NLGN1: variants seen among roughly 807,000 people sequenced by gnomAD.
The protein encoded by NLGN1 is neuroligin 1, also known as neuroligin-1.
NLGN1 carries 12 observed loss-of-function variants against 65.5 expected under a neutral mutation model. That is an observed-to-expected ratio of 0.18 (90% CI 0.12 to 0.30). The LOEUF is 0.30. NLGN1 is among the 10% of genes least tolerant of loss of function. The probability of loss-of-function intolerance (pLI) is 1.00; values close to 1 mark genes in which losing one functional copy is unlikely to be tolerated. For missense variants in NLGN1, 750 were observed against 1,007.1 expected (o/e 0.74, Z 3.46); for synonymous variants, 350 against 359.5 (o/e 0.97, Z 0.30).
At chr3:173,457,365 A>G (rs570191732) in intron 2 of NLGN1, among the ~76,000 whole-genome samples, 1 of 152,222 alleles carries the variant, frequency 6.6e-6, no homozygotes, top group East Asian at 1.9e-4. Flanking sequence ...ACATAAGTGT[A>G]GGGGGTGATA....
intron 4 of NLGN1, among the ~76,000 whole-genome samples, chr3:173,903,711 T>C (rs757287577): frequency 6.6e-6 from 1 of 152,140 alleles, no homozygotes; most frequent in South Asian, 2.1e-4. Flanking sequence ...CAAGGAGCTA[T>C]GGAGGGCCTC....
At chr3:173,466,411 G>T (rs1181771585) in intron 2 of NLGN1, among the ~76,000 whole-genome samples, 2 of 152,132 alleles carry the variant, frequency 1.3e-5, no homozygotes, top group African/African-American at 4.8e-5. Flanking sequence ...GTTCCTAGTT[G>T]TAAATATTCC....
At chr3:174,285,537 A>G (rs780158442) in exon 7 of NLGN1, 1 of 151,552 alleles carries the variant, frequency 6.6e-6, no homozygotes, top group East Asian at 1.9e-4. Context: ...CCTCTCCTGC[A>G]CTTGATCTGA....
chr3:174,196,480 C>T (rs1241801296), intron 4 of NLGN1, among the ~76,000 whole-genome samples: 1 of 152,134 alleles, frequency 6.6e-6, no homozygotes, highest in African/African-American at 2.4e-5. Flanking sequence ...CTTGTATACA[C>T]TCTGCACGTA....
At chr3:173,506,360 A>T (rs891790680) in intron 2 of NLGN1, among the ~76,000 whole-genome samples, 23 of 152,158 alleles carry the variant, frequency 1.5e-4, no homozygotes, top group Admixed American at 1.4e-3. Context: ...TGATTTTACC[A>T]TTATATTATT....
intron 4 of NLGN1, among the ~76,000 whole-genome samples, chr3:173,825,457 T>G (rs1721154845): frequency 6.6e-6 from 1 of 152,072 alleles, no homozygotes. Context: ...TTGCTCAGCC[T>G]TTGTAGTGAT....
At chr3:174,077,081 A>G (rs753841874) in intron 4 of NLGN1, among the ~76,000 whole-genome samples, 2 of 152,190 alleles carry the variant, frequency 1.3e-5, no homozygotes, top group Admixed American at 6.6e-5. Flanking sequence ...CTGATTCTCA[A>G]TAGAAAATTT....
chr3:174,017,481 T>C (rs554286223), intron 4 of NLGN1, among the ~76,000 whole-genome samples: 214 of 152,248 alleles, frequency 1.4e-3, no homozygotes, highest in African/African-American at 5.0e-3. Context: ...TGGTAGTTTG[T>C]GGTCATTTTA....
intron 2 of NLGN1, among the ~76,000 whole-genome samples, chr3:173,519,304 G>C (rs114459933): frequency 0.03 from 4,621 of 152,322 alleles, 68 homozygotes; most frequent in Middle Eastern, 0.048. Flanking sequence ...AGCCTCCACA[G>C]AGAGTCCCCA....
chr3:173,585,867 A>G (rs1747350410), intron 2 of NLGN1, among the ~76,000 whole-genome samples: 1 of 152,064 alleles, frequency 6.6e-6, no homozygotes, highest in African/African-American at 2.4e-5. Context: ...AGAATTTTGT[A>G]GCTCCCAAGA....
chr3:173,549,241 A>G (rs961696621), intron 2 of NLGN1, among the ~76,000 whole-genome samples: 3 of 152,144 alleles, frequency 2.0e-5, no homozygotes, highest in Admixed American at 6.5e-5. Flanking sequence ...TTTCACTCAT[A>G]CTTACCTGTT....
At chr3:173,983,975 A>G (rs1340679433) in intron 4 of NLGN1, among the ~76,000 whole-genome samples, 1 of 152,204 alleles carries the variant, frequency 6.6e-6, no homozygotes, top group Admixed American at 6.5e-5. Flanking sequence ...TTTTTAAACA[A>G]AAATTCAGGT....
intron 4 of NLGN1, among the ~76,000 whole-genome samples, chr3:174,127,860 G>A (rs1179630328): frequency 1.3e-5 from 2 of 152,132 alleles, no homozygotes; most frequent in African/African-American, 4.8e-5. Context: ...TAGGGACAAG[G>A]CAGTTAAAAT....
At chr3:174,215,999 G>A (rs898734013) in intron 4 of NLGN1, among the ~76,000 whole-genome samples, 3 of 152,054 alleles carry the variant, frequency 2.0e-5, no homozygotes, top group Non-Finnish European at 4.4e-5. Context: ...TTCAGAGGAG[G>A]AAAATGTGAC....
intron 2 of NLGN1, among the ~76,000 whole-genome samples, chr3:173,596,320 T>G: frequency 6.6e-6 from 1 of 152,230 alleles, no homozygotes; most frequent in East Asian, 1.9e-4. Flanking sequence ...TTTTGGGGGC[T>G]GCCCACGATT....
intron 3 of NLGN1, among the ~76,000 whole-genome samples, chr3:173,797,823 C>G (rs1214758365): frequency 6.6e-6 from 1 of 151,990 alleles, no homozygotes; most frequent in African/African-American, 2.4e-5. Context: ...CAACTGAGAG[C>G]CATGTGCCAC....
intron 4 of NLGN1, among the ~76,000 whole-genome samples, chr3:173,980,299 A>G (rs982691812): frequency 2.0e-5 from 3 of 152,028 alleles, no homozygotes; most frequent in Non-Finnish European, 4.4e-5. Flanking sequence ...TGTTATTTTC[A>G]GTTTCCATTC....
chr3:173,837,213 TCTC>T (rs1351374895), intron 4 of NLGN1, among the ~76,000 whole-genome samples: 2 of 152,132 alleles, frequency 1.3e-5, no homozygotes, highest in Non-Finnish European at 2.9e-5. Context: ...TCTTAATTCA[TCTC>T]CTTGCTGGCT....
At chr3:174,291,542 GATC>G (rs1752763624), downstream of NLGN1, among the ~76,000 whole-genome samples, 1 of 151,208 alleles carries the variant, frequency 6.6e-6, no homozygotes, top group Non-Finnish European at 1.5e-5. Flanking sequence ...TATATAATTA[GATC>G]ATCATCAGAC....
Sources: allele counts gnomAD v4.1 joint callset (sites outside exome capture counted in the v4.1 genomes callset), GRCh38; gene constraint gnomAD v4.1.1; transcripts MANE v1.5; gene names NCBI Gene and HGNC (gene_info 2026-07-23, HGNC 2026-07-21).